COLEC10: variants seen among roughly 807,000 people sequenced by gnomAD.
The protein encoded by COLEC10 is collectin subfamily member 10.
COLEC10 carries 22 observed loss-of-function variants against 28.4 expected under a neutral mutation model. The observed-to-expected ratio is 0.78, with a 90% CI of 0.55 to 1.11. COLEC10 has a LOEUF of 1.11. COLEC10 is among the 50% of genes least tolerant of loss of function. The pLI is 0.00. For missense variants in COLEC10, 361 were observed against 344.1 expected, an observed-to-expected ratio of 1.05 and a Z score of -0.39; for synonymous variants, 125 against 116.1, an observed-to-expected ratio of 1.08 and a Z score of -0.49.
intron 1 of COLEC10, among the ~76,000 whole-genome samples, chr8:119,087,539 G>A (rs903553312): frequency 6.6e-6 from 1 of 152,148 alleles, no homozygotes; most frequent in Non-Finnish European, 1.5e-5. Flanking sequence ...TGGCAAAGTG[G>A]TGTCTCAGTT....
At chr8:119,038,610 A>G (rs1007856375) in intron 2 of COLEC10, among the ~76,000 whole-genome samples, 8 of 152,248 alleles carry the variant, frequency 5.3e-5, no homozygotes. Context: ...CTTCTATATA[A>G]GTTGGCATTT....
intron 1 of COLEC10, among the ~76,000 whole-genome samples, chr8:119,080,314 C>A (rs1029413051): frequency 6.6e-6 from 1 of 152,138 alleles, no homozygotes; most frequent in African/African-American, 2.4e-5. Context: ...GGCCAACGAA[C>A]AAACAAGTAA....
At chr8:119,018,821 AGG>A (rs1563718446) in intron 2 of COLEC10, among the ~76,000 whole-genome samples, 5 of 152,296 alleles carry the variant, frequency 3.3e-5, no homozygotes, top group Non-Finnish European at 5.9e-5. Flanking sequence ...CTGATTCCAT[AGG>A]TAGTAAATCT....
At chr8:118,987,953 C>T in the COLEC10 span, among the ~76,000 whole-genome samples, 1 of 152,066 alleles carries the variant, frequency 6.6e-6, no homozygotes, top group African/African-American at 2.4e-5. Context: ...ACAATAAAAG[C>T]TGAACAAACT....
At chr8:119,035,630 T>C (rs74582064) in intron 2 of COLEC10, among the ~76,000 whole-genome samples, 3 of 152,210 alleles carry the variant, frequency 2.0e-5, no homozygotes, top group African/African-American at 7.2e-5. Context: ...TCATTTTGCA[T>C]CCAAAGACCA....
intron 1 of COLEC10, among the ~76,000 whole-genome samples, chr8:119,070,470 T>C (rs1587039518): frequency 3.1e-5 from 4 of 127,974 alleles, no homozygotes; most frequent in African/African-American, 1.0e-4. Flanking sequence ...TCTCTCTCTC[T>C]CTCTCTCCTT....
At chr8:119,023,825 G>T (rs961837074) in intron 2 of COLEC10, among the ~76,000 whole-genome samples, 1 of 152,144 alleles carries the variant, frequency 6.6e-6, no homozygotes, top group Non-Finnish European at 1.5e-5. Flanking sequence ...CAGAGGAATA[G>T]ATTTTTTTAA....
intron 1 of COLEC10, among the ~76,000 whole-genome samples, chr8:119,069,325 G>A (rs985065689): frequency 6.6e-6 from 1 of 151,866 alleles, no homozygotes; most frequent in African/African-American, 2.4e-5. Context: ...CAGTGGGCCA[G>A]GTGTGTTGCC....
At chr8:118,984,608 A>T in the COLEC10 span, among the ~76,000 whole-genome samples, 2 of 152,278 alleles carry the variant, frequency 1.3e-5, no homozygotes, top group South Asian at 2.1e-4. Flanking sequence ...ATTTGGACAC[A>T]GAGTCACAGA....
intron 2 of COLEC10, among the ~76,000 whole-genome samples, chr8:119,053,842 A>G (rs996610119): frequency 7.2e-5 from 11 of 152,164 alleles, no homozygotes; most frequent in African/African-American, 2.6e-4. Flanking sequence ...ATACATTCCA[A>G]TTGGATACTT....
At chr8:119,089,971 G>A (rs948656001) in intron 2 of COLEC10, among the ~76,000 whole-genome samples, 2 of 152,160 alleles carry the variant, frequency 1.3e-5, no homozygotes, top group African/African-American at 4.8e-5. Flanking sequence ...TTTAGGGCTG[G>A]CTGGTGTGGG....
At chr8:118,983,198 C>G in the COLEC10 span, among the ~76,000 whole-genome samples, 3 of 152,264 alleles carry the variant, frequency 2.0e-5, no homozygotes, top group Middle Eastern at 6.8e-3. Flanking sequence ...CCTTTGTTGA[C>G]ACCTCAACTG....
chr8:119,015,668 C>T (rs1384492279), intron 2 of COLEC10, among the ~76,000 whole-genome samples: 4 of 152,160 alleles, frequency 2.6e-5, no homozygotes, highest in Non-Finnish European at 5.9e-5. Flanking sequence ...TTCTACTGTG[C>T]TGGTTCCTGT....
At chr8:119,076,192 T>G (rs2130245147) in intron 1 of COLEC10, among the ~76,000 whole-genome samples, 1 of 147,486 alleles carries the variant, frequency 6.8e-6, no homozygotes, top group African/African-American at 2.5e-5. Flanking sequence ...ATTACAGGAG[T>G]GAGCCACCAC....
At chr8:119,086,623 G>A (rs1284372599) in intron 1 of COLEC10, among the ~76,000 whole-genome samples, 1 of 152,154 alleles carries the variant, frequency 6.6e-6, no homozygotes, top group African/African-American at 2.4e-5. Context: ...CCACCAGGGA[G>A]CAGTAGATCA....
chr8:118,991,334 A>T (rs74777984), upstream of COLEC10, among the ~76,000 whole-genome samples: 506 of 152,300 alleles, frequency 3.3e-3, 1 homozygote, highest in African/African-American at 0.011. Context: ...TACCCATTTC[A>T]TCAAGTTGCT....
the COLEC10 span, among the ~76,000 whole-genome samples, chr8:118,971,980 C>A: frequency 6.6e-6 from 1 of 151,974 alleles, no homozygotes; most frequent in Non-Finnish European, 1.5e-5. Context: ...AAGATTAATT[C>A]GTACTTTACT....
At chr8:119,056,883 A>G (rs1196723426) in intron 2 of COLEC10, among the ~76,000 whole-genome samples, 2 of 152,052 alleles carry the variant, frequency 1.3e-5, no homozygotes, top group African/African-American at 2.4e-5. Context: ...AGCCTTATTT[A>G]TCCCATCAAG....
At chr8:119,014,794 A>C (rs771519691) in intron 2 of COLEC10, among the ~76,000 whole-genome samples, 3 of 151,032 alleles carry the variant, frequency 2.0e-5, no homozygotes, top group East Asian at 3.9e-4. Context: ...TCCATTTTGG[A>C]AATATCTATT....
Sources: gnomAD v4.1 joint callset for allele counts (sites outside exome capture counted in the v4.1 genomes callset) on GRCh38, gnomAD v4.1.1 for gene constraint, MANE v1.5 for transcripts, NCBI Gene and HGNC (gene_info 2026-07-23, HGNC 2026-07-21) for gene names.